TXNL4A: variants seen among roughly 807,000 people sequenced by gnomAD.
TXNL4A encodes thioredoxin like 4A.
TXNL4A carries 17 observed loss-of-function variants against 14.6 expected under a neutral mutation model. The ratio of observed to expected loss-of-function variants is 1.16; its 90% CI spans 0.80 to 1.74. The LOEUF is 1.74. Among genes scored for constraint, TXNL4A ranks in the 40% most tolerant of loss-of-function variants. TXNL4A has a pLI of 0.00. For synonymous variants in TXNL4A, 83 were observed against 70.6 expected (o/e 1.18, Z -0.88); for missense variants, 74 against 195.2 (o/e 0.38, Z 3.70).
chr18:80,032,507 T>G (rs1033939341), intron 1 of TXNL4A, among the ~76,000 whole-genome samples: 31 of 152,136 alleles, frequency 2.0e-4, no homozygotes, highest in African/African-American at 7.0e-4. Context: ...GCCTCCCCCA[T>G]ATTTTGCCCA....
intron 1 of TXNL4A, among the ~76,000 whole-genome samples, chr18:79,998,864 G>A (rs1253188386): frequency 6.6e-6 from 1 of 152,016 alleles, no homozygotes; most frequent in East Asian, 1.9e-4. Flanking sequence ...GACCCCTCAT[G>A]ACTGTGTTCT....
rs1484794355 is a variant in TXNL4A at position 79,988,338 on chromosome 18, G to A, written c.55C>T (p.Leu19Phe). 3.2e-6 allele frequency: 5 copies of A among 1,580,458 alleles called. No homozygotes were observed. Among genetic ancestry groups the A allele is most frequent in the African/African-American group, 2.7e-5 (2 of 74,000 alleles). The change falls in exon 1 of 3, where the codon CTC becomes TTC. Residue 19 changes from leucine (L) to phenylalanine (F), a missense_variant. Around this residue, in one of 3 missense-constraint regions of TXNL4A, gnomAD observed 55 missense variants for 116.1 expected, o/e 0.47. Transcript: ENST00000269601. The part of the protein sequence containing the change: ...HNGWQVDQAI[L>F]SEEDRVVVIR... ...ACGACCACGCGGTCCTCCTCCGAGAGGATGGCCTGGTCCACCTGCCAGCCG... is the reference window on the plus strand; with the variant it reads ...ACGACCACGCGGTCCTCCTCCGAGAAGATGGCCTGGTCCACCTGCCAGCCG...
At chr18:80,025,906 G>A (rs1419531232) in intron 1 of TXNL4A, among the ~76,000 whole-genome samples, 2 of 152,194 alleles carry the variant, frequency 1.3e-5, no homozygotes, top group Admixed American at 6.5e-5. Context: ...ACAGGAGCAA[G>A]CAATGACTGT....
intron 1 of TXNL4A, among the ~76,000 whole-genome samples, chr18:79,999,910 C>T (rs574460807): frequency 6.6e-6 from 1 of 152,264 alleles, no homozygotes; most frequent in Non-Finnish European, 1.5e-5. Context: ...GGGGAAACCC[C>T]TTTTGCTTGG....
At chr18:80,017,610 A>G (rs1330394128) in intron 1 of TXNL4A, among the ~76,000 whole-genome samples, 7 of 151,776 alleles carry the variant, frequency 4.6e-5, no homozygotes, top group Admixed American at 6.6e-5. Context: ...TTCTGCATGT[A>G]TTGAGATAAT....
chr18:79,999,293 T>TG (rs1377008243), intron 1 of TXNL4A, among the ~76,000 whole-genome samples: 2 of 152,076 alleles, frequency 1.3e-5, no homozygotes, highest in African/African-American at 4.8e-5. Context: ...CCCAGCACTT[T>TG]GGGAGGCCGA....
chr18:80,015,235 A>G (rs1780073018), intron 1 of TXNL4A, among the ~76,000 whole-genome samples: 1 of 151,964 alleles, frequency 6.6e-6, no homozygotes, highest in African/African-American at 2.4e-5. Flanking sequence ...TTCTGCAGCC[A>G]GCTTGAATTT....
intron 1 of TXNL4A, among the ~76,000 whole-genome samples, chr18:80,022,894 T>G (rs2051859129): frequency 6.6e-6 from 1 of 152,172 alleles, no homozygotes; most frequent in African/African-American, 2.4e-5. Flanking sequence ...CACTTACCTG[T>G]GCAAGACCCT....
At chr18:79,980,282 TGA>T (rs1288404588) in intron 1 of TXNL4A, among the ~76,000 whole-genome samples, 1 of 152,226 alleles carries the variant, frequency 6.6e-6, no homozygotes, top group Non-Finnish European at 1.5e-5. Flanking sequence ...TCCAGAATTG[TGA>T]GAGAAGTTTC....
chr18:79,999,430 G>A (rs1437704845), intron 1 of TXNL4A, among the ~76,000 whole-genome samples: 1 of 151,716 alleles, frequency 6.6e-6, no homozygotes. Context: ...CAGCTACTTG[G>A]GAGGTTGAAG....
chr18:80,020,543 G>A (rs192285218), intron 1 of TXNL4A, among the ~76,000 whole-genome samples: 4 of 152,308 alleles, frequency 2.6e-5, no homozygotes, highest in African/African-American at 4.8e-5. Flanking sequence ...GGCTGCTGGG[G>A]TGGACCTTGA....
intron 1 of TXNL4A, among the ~76,000 whole-genome samples, chr18:80,020,276 A>C (rs1170083672): frequency 6.6e-6 from 1 of 151,994 alleles, no homozygotes; most frequent in Non-Finnish European, 1.5e-5. Flanking sequence ...CTCTGGGAGG[A>C]AAGTGGCTGG....
intron 1 of TXNL4A, chr18:79,986,530 C>G: frequency 1.0e-6 from 1 of 971,524 alleles, no homozygotes; most frequent in Non-Finnish European, 1.2e-6. Context: ...GTGATTCATT[C>G]TGTAATAACA....
intron 1 of TXNL4A, among the ~76,000 whole-genome samples, chr18:80,021,876 GCCA>G (rs2051851578): frequency 6.6e-6 from 1 of 152,160 alleles, no homozygotes; most frequent in South Asian, 2.1e-4. Context: ...TTGTAGCCTG[GCCA>G]ATTTTCCCGT....
chr18:79,975,066 C>CA (rs1021136137), intron 2 of TXNL4A, among the ~76,000 whole-genome samples: 14 of 152,324 alleles, frequency 9.2e-5, no homozygotes, highest in Admixed American at 6.5e-4. Flanking sequence ...CTACATGCAG[C>CA]ATGCACCAAG....
intron 1 of TXNL4A, among the ~76,000 whole-genome samples, chr18:79,985,325 G>T (rs1000333093): frequency 2.0e-5 from 3 of 152,056 alleles, no homozygotes; most frequent in Non-Finnish European, 4.4e-5. Flanking sequence ...GCGCGATCAC[G>T]GCTTGTCACA....
chr18:80,016,283 T>A (rs1425835854), intron 1 of TXNL4A, among the ~76,000 whole-genome samples: 1 of 152,206 alleles, frequency 6.6e-6, no homozygotes, highest in Non-Finnish European at 1.5e-5. Flanking sequence ...GATAAGTGGG[T>A]TGCGAAAATT....
chr18:80,023,070 T>C (rs992530396), intron 1 of TXNL4A, among the ~76,000 whole-genome samples: 3 of 152,140 alleles, frequency 2.0e-5, no homozygotes, highest in East Asian at 1.9e-4. Context: ...CAGTGAAAAA[T>C]TGGAATCCCA....
At chr18:80,007,369 T>C (rs2051738287) in intron 1 of TXNL4A, among the ~76,000 whole-genome samples, 1 of 152,226 alleles carries the variant, frequency 6.6e-6, no homozygotes, top group Admixed American at 6.5e-5. Flanking sequence ...TGTGATTGAC[T>C]GAGCAATCTA....
Sources: gnomAD v4.1 joint callset for allele counts (sites outside exome capture counted in the v4.1 genomes callset) on GRCh38, gnomAD v4.1.1 for gene constraint, gnomAD v4.1.1 regional missense constraint, MANE v1.5 for transcripts, NCBI Gene and HGNC (gene_info 2026-07-23, HGNC 2026-07-21) for gene names.